The following NT5M variants were observed in gnomAD, a reference collection of about 807,000 sequenced individuals.
The protein encoded by NT5M is 5',3'-nucleotidase, mitochondrial, also known as 5'(3')-deoxyribonucleotidase, mitochondrial.
Under a neutral mutation model 22.2 loss-of-function variants are expected in NT5M, and 22 were observed. The ratio of observed to expected loss-of-function variants is 0.99; its 90% CI spans 0.71 to 1.41. NT5M has a LOEUF of 1.41. Ranked by LOEUF, NT5M falls within the 40% of genes most tolerant of loss-of-function variation. NT5M has a pLI of 0.00. For missense variants in NT5M, 322 were observed against 314.8 expected, an observed-to-expected ratio of 1.02 and a Z score of -0.17; for synonymous variants, 167 against 133.0, an observed-to-expected ratio of 1.26 and a Z score of -1.76.
At chr17:17,311,025 C>T (rs2048912074) in intron 2 of NT5M, among the ~76,000 whole-genome samples, 1 of 151,896 alleles carries the variant, frequency 6.6e-6, no homozygotes, top group Non-Finnish European at 1.5e-5. Context: ...AAGATTTGCC[C>T]CTGTGTTTTC....
At position 17,327,149 on chromosome 17, in the gene NT5M, C is replaced by T. The variant is rs377021109; in HGVS notation, c.429+3904C>T. Among the ~76,000 whole-genome samples the T allele has an allele frequency of 1.3e-3, 103 of 79,974 alleles. 31 individuals carry two copies. Among genetic ancestry groups the T allele is most frequent in the African/African-American group, 2.7e-3 (64 of 23,484 alleles). The allele number at this position is 79,974 out of a possible 152,430, so 52.5% of individuals were successfully genotyped here. On this transcript the variant is annotated intron_variant, in intron 3 of 4. Transcript: ENST00000389022. ...CAGGCTGGTCTCTAGCTCCTGACCTCGTGATCCACCCATCTTGTCCTCCCA... is the reference window on the plus strand; with the variant it reads ...CAGGCTGGTCTCTAGCTCCTGACCTTGTGATCCACCCATCTTGTCCTCCCA...
At chr17:17,342,824 C>T (rs562984837) in intron 3 of NT5M, among the ~76,000 whole-genome samples, 1 of 152,314 alleles carries the variant, frequency 6.6e-6, no homozygotes, top group South Asian at 2.1e-4. Flanking sequence ...CCCTGGCTAT[C>T]GTTGTCTGTG....
chr17:17,326,816 C>G (rs975805870), intron 3 of NT5M, among the ~76,000 whole-genome samples: 8 of 152,204 alleles, frequency 5.3e-5, no homozygotes, highest in Admixed American at 1.3e-4. Context: ...CCTGATCAAA[C>G]TAAACGAAAG....
chr17:17,321,894 G>T (rs542071427), intron 2 of NT5M, among the ~76,000 whole-genome samples: 1 of 152,002 alleles, frequency 6.6e-6, no homozygotes, highest in African/African-American at 2.4e-5. Context: ...CTGAAGCGTC[G>T]TGGGTGGTGG....
chr17:17,345,767 C>T (rs1567903879), intron 4 of NT5M, among the ~76,000 whole-genome samples: 2 of 152,104 alleles, frequency 1.3e-5, no homozygotes, highest in Admixed American at 6.5e-5. Flanking sequence ...GCTGTGATTG[C>T]ACCACTGCAT....
At chr17:17,344,516 G>A (rs1413157071) in intron 3 of NT5M, among the ~76,000 whole-genome samples, 2 of 152,162 alleles carry the variant, frequency 1.3e-5, no homozygotes, top group African/African-American at 2.4e-5. Context: ...TGCAGTGTTC[G>A]CTGGGTGTGA....
chr17:17,305,567 C>T (rs2048781708), intron 1 of NT5M, among the ~76,000 whole-genome samples: 2 of 152,052 alleles, frequency 1.3e-5, no homozygotes, highest in Admixed American at 1.3e-4. Context: ...CCTGTGGTTC[C>T]TGAGAGTGTT....
intron 2 of NT5M, among the ~76,000 whole-genome samples, chr17:17,310,216 G>C (rs912563919): frequency 2.6e-5 from 4 of 152,114 alleles, no homozygotes; most frequent in Non-Finnish European, 5.9e-5. Context: ...TCTGATAAGA[G>C]ACTTGTATCT....
intron 2 of NT5M, among the ~76,000 whole-genome samples, chr17:17,316,621 T>C (rs12603230): frequency 0.78 from 118,283 of 151,660 alleles, 46,221 homozygotes; most frequent in East Asian, 0.99. Flanking sequence ...GGTGATCAGC[T>C]CTCCTCGGCC....
intron 3 of NT5M, among the ~76,000 whole-genome samples, chr17:17,333,010 C>A (rs1024450620): frequency 1.3e-5 from 2 of 152,176 alleles, no homozygotes; most frequent in African/African-American, 2.4e-5. Flanking sequence ...CTATCCTTGT[C>A]AGCATTTGGT....
chr17:17,325,908 C>A (rs867314850), intron 3 of NT5M, among the ~76,000 whole-genome samples: 1 of 152,210 alleles, frequency 6.6e-6, no homozygotes, highest in South Asian at 2.1e-4. Flanking sequence ...ATGACACTTC[C>A]CACCACTTGA....
Position 17,303,440 on chromosome 17 carries a change from C to T in NT5M, c.-111C>T, listed in dbSNP as rs2048722597. Reference sequence around the variant, plus strand: ...GCCCCGCTCCCCGTCCCGCGCTCCACGCGCGCCCCAGCGTTGGGGGCTTCT... The same window carrying T: ...GCCCCGCTCCCCGTCCCGCGCTCCATGCGCGCCCCAGCGTTGGGGGCTTCT... On this transcript the variant is annotated 5_prime_UTR_variant, in exon 1 of 5. In the 5' UTR this introduces an upstream ATG that the reference lacks. Transcript: ENST00000389022. The T allele has an allele frequency of 1.6e-5, 16 of 996,810 alleles. No individual in the cohort carries two copies. The highest frequency in any genetic ancestry group is 1.9e-5 in the Non-Finnish European group (16 of 837,778). 61.7% of individuals were successfully genotyped at this position (996,810 alleles called of 1,614,324 possible).
intron 3 of NT5M, among the ~76,000 whole-genome samples, chr17:17,336,642 C>CCGGGTTCAAGTGATTCTCCTGCCT (rs1689987347): frequency 1.3e-5 from 2 of 151,722 alleles, no homozygotes; most frequent in Non-Finnish European, 2.9e-5. Context: ...CCTCCGCCTC[C>CCGGGTTCAAGTGATTCTCCTGCCT]CGGGTTCAAG....
intron 3 of NT5M, among the ~76,000 whole-genome samples, chr17:17,337,641 C>T (rs2049545334): frequency 6.6e-6 from 1 of 152,096 alleles, no homozygotes; most frequent in Admixed American, 6.6e-5. Flanking sequence ...CTGCCCACCT[C>T]AGCCTCCCAA....
intron 2 of NT5M, among the ~76,000 whole-genome samples, chr17:17,315,228 C>G (rs1484518069): frequency 6.6e-6 from 1 of 152,078 alleles, no homozygotes; most frequent in East Asian, 1.9e-4. Flanking sequence ...GTCGTGAAGC[C>G]TAGAGTAAGA....
chr17:17,338,716 T>C (rs1398735586), intron 3 of NT5M, among the ~76,000 whole-genome samples: 2 of 110,608 alleles, frequency 1.8e-5, no homozygotes, highest in Non-Finnish European at 3.9e-5. Flanking sequence ...CTGTGAAGAA[T>C]GTCATTGGTA....
chr17:17,304,265 A>G (rs1399061687), intron 1 of NT5M: 1 of 303,676 alleles, frequency 3.3e-6, no homozygotes, highest in East Asian at 1.7e-4. Context: ...TTCCAGGGGT[A>G]TTTGAGGCCC....
chr17:17,322,543 C>G (rs760367864), intron 2 of NT5M, among the ~76,000 whole-genome samples: 2 of 152,158 alleles, frequency 1.3e-5, no homozygotes, highest in Non-Finnish European at 2.9e-5. Context: ...GACGCGTTTG[C>G]CAGAGAGAAA....
chr17:17,305,165 C>T (rs928082063), intron 1 of NT5M, among the ~76,000 whole-genome samples: 1 of 152,132 alleles, frequency 6.6e-6, no homozygotes, highest in Non-Finnish European at 1.5e-5. Flanking sequence ...AGCCCACCCC[C>T]AACTCCGAAA....
Sources: gnomAD v4.1 joint callset for allele counts (sites outside exome capture counted in the v4.1 genomes callset) on GRCh38, gnomAD v4.1.1 for gene constraint, MANE v1.5 for transcripts, NCBI Gene and HGNC (gene_info 2026-07-23, HGNC 2026-07-21) for gene names.